Variants in WDR45B observed in about 807,000 individuals in gnomAD.
WDR45B encodes the protein WD repeat domain 45B.
Under a neutral mutation model 44.6 loss-of-function variants are expected in WDR45B, and 20 were observed. The ratio of observed to expected loss-of-function variants is 0.45; its 90% CI spans 0.32 to 0.65. WDR45B has a LOEUF of 0.65. Ranked by LOEUF, WDR45B falls within the 30% of genes least tolerant of loss-of-function variation. The pLI is 0.05. For missense variants in WDR45B, 323 were observed against 430.2 expected (o/e 0.75, Z 2.20); for synonymous variants, 169 against 164.9 (o/e 1.02, Z -0.19).
At chr17:82,616,376 T>C (rs574222423) in intron 9 of WDR45B, 148 bp downstream of exon 9, 4 of 1,299,554 alleles carry the variant, frequency 3.1e-6, no homozygotes, top group African/African-American at 1.5e-5. Context: ...CGGGACACAC[T>C]GAGCCCACAG....
At chr17:82,644,424 G>T (rs2045952397) in intron 1 of WDR45B, 1 of 262,602 alleles carries the variant, frequency 3.8e-6, no homozygotes, top group South Asian at 4.5e-5. Flanking sequence ...ACAAGAGGTA[G>T]TCCTAGACTC....
chr17:82,621,665 G>C lies in WDR45B; in HGVS notation c.562C>G (p.Leu188Val), dbSNP rs565262451. 30 of 1,614,230 alleles carry C rather than the reference G, an allele frequency of 1.9e-5. No individual in the cohort carries two copies. Among genetic ancestry groups the C allele is most frequent in the South Asian group, 4.4e-5 (4 of 91,080 alleles). ...TGCAGGTTGAGTGCAATGCAGCTCA[G>C]GACACCCTCGTGTGCAGGAATGTCC... ...PVDIPAHEGVLSCIALNLQGT... is the reference protein window; with the variant it reads ...PVDIPAHEGVVSCIALNLQGT... Residue 188 changes from leucine to valine, a missense_variant, in exon 6 of 10, where the codon CTG (leucine) becomes GTG (valine). Physicochemically the swap from Leu to Val is conservative, Grantham distance 32. Transcript: ENST00000392325.
intron 4 of WDR45B, 162 bp from the exon 5 acceptor site, chr17:82,625,645 G>T (rs542571925): frequency 2.7e-6 from 2 of 731,746 alleles, no homozygotes; most frequent in African/African-American, 1.8e-5. Flanking sequence ...CCAGCGCCAG[G>T]CCTGGAGCTC....
In WDR45B at chr17:82,630,920, C is replaced by A; in HGVS notation, c.244+1G>T. The A allele has an allele frequency of 6.2e-7, 1 of 1,611,862 alleles. No homozygotes were observed. The highest frequency in any genetic ancestry group is 8.5e-7 in the Non-Finnish European group (1 of 1,179,634). On this transcript the variant is annotated splice_donor_variant, in intron 3 of 9. Transcript: ENST00000392325. LOFTEE classifies it high-confidence loss of function. The stretch of plus-strand genomic sequence containing the variant: ...GATTCTTCAATACACAATTACAGTA[C>A]CTTTGTTGGGAGGGTATTTCGGCTT...
At chr17:82,621,054 C>CTTT (rs11337047) in intron 6 of WDR45B, among the ~76,000 whole-genome samples, 1 of 131,326 alleles carries the variant, frequency 7.6e-6, no homozygotes, top group African/African-American at 2.9e-5. Flanking sequence ...ATTTTTGTTT[C>CTTT]TTTTTTTTTT....
chr17:82,641,432 T>C (rs971249057), intron 2 of WDR45B, among the ~76,000 whole-genome samples: 4 of 152,156 alleles, frequency 2.6e-5, no homozygotes, highest in African/African-American at 9.7e-5. Flanking sequence ...TTTGTTATAA[T>C]ATTGGGTGTG....
rs1312275159 is a variant in WDR45B, at chr17:82,614,931, T to A, written c.*988A>T. The stretch of plus-strand genomic sequence containing the variant: ...GCCTCTCCTTCCCAAAATGTTAGTG[T>A]GTAGCTATTCTTACAAATGAGGGGA... On this transcript the variant is annotated 3_prime_UTR_variant, in exon 10 of 10. Coordinates refer to ENST00000392325, the MANE Select transcript of WDR45B (RefSeq NM_019613.4). 2 of 152,180 alleles carry A rather than the reference T, an allele frequency of 1.3e-5. No individual in the cohort carries two copies. The allele number at this position is 152,180 out of a possible 1,614,324, so 9.4% of individuals were successfully genotyped here. A position where few individuals can be genotyped will look rare whatever the true frequency, so the allele number is the denominator to read the frequency against.
In WDR45B at chr17:82,615,269, G is replaced by A. The variant is rs1222001463; in HGVS notation, c.*650C>T. The A allele has an allele frequency of 2.6e-5, 4 of 156,442 alleles. No homozygotes were observed. The highest frequency in any genetic ancestry group is 7.2e-5 in the African/African-American group (3 of 41,440). 9.7% of individuals were successfully genotyped at this position (156,442 alleles called of 1,614,324 possible). A position where few individuals can be genotyped will look rare whatever the true frequency, so the allele number is the denominator to read the frequency against. On this transcript the variant is annotated 3_prime_UTR_variant, in exon 10 of 10. Coordinates refer to ENST00000392325, the MANE Select transcript of WDR45B (RefSeq NM_019613.4). The stretch of plus-strand genomic sequence containing the variant: ...TTCTAATGGCCCCAACGGAGACGGG[G>A]ACGCCACGCACGGGCACAGGTGACG...
In WDR45B at chr17:82,614,853, G is replaced by C. The variant is rs1201201065; in HGVS notation, c.*1066C>G. The C allele has an allele frequency of 6.6e-6, 1 of 152,180 alleles. No individual in the cohort carries two copies. Among genetic ancestry groups the C allele is most frequent in the Admixed American group, 6.5e-5 (1 of 15,276 alleles). 9.4% of individuals were successfully genotyped at this position (152,180 alleles called of 1,614,324 possible). A position where few individuals can be genotyped will look rare whatever the true frequency, so the allele number is the denominator to read the frequency against. ...GAAAATTAAATATATATCCCAAGTA[G>C]CTGACAATGTAGAGCCCATAACCTA... On this transcript the variant is annotated 3_prime_UTR_variant, in exon 10 of 10. Transcript: ENST00000392325.
At chr17:82,645,165 G>C (rs1429535218) in intron 1 of WDR45B, among the ~76,000 whole-genome samples, 1 of 152,082 alleles carries the variant, frequency 6.6e-6, no homozygotes, top group Non-Finnish European at 1.5e-5. Context: ...AGTCGTGGTG[G>C]TGAGCGCCTG....
chr17:82,624,411 G>A (rs371425761), intron 5 of WDR45B, among the ~76,000 whole-genome samples: 3 of 151,986 alleles, frequency 2.0e-5, no homozygotes, highest in South Asian at 4.1e-4. Flanking sequence ...ATGGGCACCC[G>A]CCACCACATC....
At chr17:82,635,674 C>T (rs1014168248) in intron 2 of WDR45B, among the ~76,000 whole-genome samples, 6 of 151,878 alleles carry the variant, frequency 4.0e-5, no homozygotes, top group Non-Finnish European at 7.4e-5. Context: ...CCACCCACCT[C>T]GGCCTCCCAA....
At chr17:82,623,439 C>T (rs548175425) in intron 5 of WDR45B, among the ~76,000 whole-genome samples, 1 of 149,042 alleles carries the variant, frequency 6.7e-6, no homozygotes, top group Non-Finnish European at 1.5e-5. Flanking sequence ...CGGTGGCTCA[C>T]GCCTGTAATC....
Position 82,644,397 on chromosome 17 carries a change from G to C in WDR45B, c.68-374C>G, listed in dbSNP as rs1180356791. ...ACTGTGGACACCAGGTGAAGGGAAG[G>C]GCAGGGTGCTGGGGAGACAAGAGGT... On this transcript the variant is annotated intron_variant, in intron 1 of 9. Coordinates refer to ENST00000392325, the MANE Select transcript of WDR45B (RefSeq NM_019613.4). 14 of 340,796 alleles carry C rather than the reference G, an allele frequency of 4.1e-5. 1 individual carries two copies. In the Admixed American group the frequency reaches 5.6e-4, roughly 14 times the overall value. The allele number at this position is 340,796 out of a possible 1,614,324, so 21.1% of individuals were successfully genotyped here.
In WDR45B at chr17:82,615,071, A is replaced by G. The variant is rs1175551812; in HGVS notation, c.*848T>C. Reference sequence around the variant, plus strand: ...CTCTGGCAGACGACCCCGAAGTTAAAGGATGTTTTCCCCATAACGAATGTT... The same window carrying G: ...CTCTGGCAGACGACCCCGAAGTTAAGGGATGTTTTCCCCATAACGAATGTT... On this transcript the variant is annotated 3_prime_UTR_variant, in exon 10 of 10. Coordinates refer to ENST00000392325, the MANE Select transcript of WDR45B (RefSeq NM_019613.4). 1 of 152,200 alleles carries G rather than the reference A, an allele frequency of 6.6e-6. No individual in the cohort carries two copies. Among genetic ancestry groups the G allele is most frequent in the Non-Finnish European group, 1.5e-5 (1 of 68,052 alleles). 9.4% of individuals were successfully genotyped at this position (152,200 alleles called of 1,614,324 possible). A position where few individuals can be genotyped will look rare whatever the true frequency, so the allele number is the denominator to read the frequency against.
intron 2 of WDR45B, among the ~76,000 whole-genome samples, chr17:82,643,693 C>T (rs2045943997): frequency 6.6e-6 from 1 of 152,168 alleles, no homozygotes; most frequent in Admixed American, 6.5e-5. Context: ...GGAAAAGGCA[C>T]AAGAAGTTCA....
At chr17:82,632,287 G>A (rs551827943) in intron 2 of WDR45B, among the ~76,000 whole-genome samples, 61 of 151,674 alleles carry the variant, frequency 4.0e-4, no homozygotes, top group Non-Finnish European at 1.3e-4. Context: ...TCAGCCTCCC[G>A]AGTAGCTGGG....
chr17:82,634,150 CAAAAAAAA>C (rs36183298), intron 2 of WDR45B, among the ~76,000 whole-genome samples: 8 of 31,908 alleles, frequency 2.5e-4, no homozygotes, highest in Non-Finnish European at 3.8e-4. Context: ...GACTCCATCT[CAAAAAAAA>C]AAAAAAAAAA....
intron 5 of WDR45B, among the ~76,000 whole-genome samples, chr17:82,625,171 G>A (rs1447010729): frequency 6.6e-6 from 1 of 152,114 alleles, no homozygotes; most frequent in Non-Finnish European, 1.5e-5. Context: ...GGGTGGGAGG[G>A]GACAGGGGCC....
Sources: allele counts gnomAD v4.1 joint callset (sites outside exome capture counted in the v4.1 genomes callset), GRCh38; gene constraint gnomAD v4.1.1; transcripts MANE v1.5; gene names NCBI Gene and HGNC (gene_info 2026-07-23, HGNC 2026-07-21).